Variants in SGCD observed in about 807,000 individuals in gnomAD.
The protein encoded by SGCD is delta-sarcoglycan.
In SGCD, 18 loss-of-function variants were observed where a neutral mutation model predicts 36.6. The observed-to-expected ratio is 0.49, with a 90% CI of 0.34 to 0.73. The LOEUF (loss-of-function observed/expected upper bound fraction) is 0.73, where lower values mean the gene tolerates loss of function less well. Among genes scored for constraint, SGCD ranks in the 30% least tolerant of loss-of-function variants. The pLI, the probability that SGCD is intolerant of heterozygous loss-of-function variation, is 0.01. For missense variants in SGCD, 387 were observed against 346.7 expected (o/e 1.12, Z -0.92); for synonymous variants, 133 against 130.6 (o/e 1.02, Z -0.12).
rs568756563 is a variant in SGCD at position 156,050,175 on chromosome 5, C to T, written c.-281-67703C>T. Among the ~76,000 whole-genome samples, 36 of 146,460 alleles carry T rather than the reference C, an allele frequency of 2.5e-4. 1 individual carries two copies. Among genetic ancestry groups the T allele is most frequent in the Admixed American group, 2.0e-3 (30 of 14,678 alleles). On this transcript the variant is annotated intron_variant, in intron 1 of 9. Transcript: ENST00000517913. ...TCGCATGCCATAGAGAAATCTTTCA[C>T]GAAAAGAAGAACCAACTGATGCTAC...
At chr5:156,531,586 T>C (rs1414584913) in intron 4 of SGCD, among the ~76,000 whole-genome samples, 1 of 152,162 alleles carries the variant, frequency 6.6e-6, no homozygotes, top group African/African-American at 2.4e-5. Flanking sequence ...TCGGTGGTCC[T>C]GTTCGATCCA....
chr5:156,606,968 A>G (rs544148083), intron 6 of SGCD, among the ~76,000 whole-genome samples: 8 of 152,294 alleles, frequency 5.3e-5, no homozygotes, highest in East Asian at 3.9e-4. Context: ...GGTTTTCTGG[A>G]TATACAATCA....
chr5:156,757,819 G>T, intron 8 of SGCD, 115 bp downstream of exon 8: 1 of 1,374,574 alleles, frequency 7.3e-7, no homozygotes, highest in African/African-American at 1.5e-5. Flanking sequence ...AAGGAGCCAA[G>T]CAGGTTTTAT....
intron 3 of SGCD, among the ~76,000 whole-genome samples, chr5:156,241,251 C>CGTGTGTGTGT (rs60843726): frequency 0.012 from 1,697 of 145,158 alleles, 22 homozygotes; most frequent in African/African-American, 0.028. Flanking sequence ...TAGACCAAAA[C>CGTGTGTGTGT]GTGTGTGTGT....
At chr5:156,025,880 G>A (rs1759217387) in intron 1 of SGCD, among the ~76,000 whole-genome samples, 1 of 152,216 alleles carries the variant, frequency 6.6e-6, no homozygotes, top group South Asian at 2.1e-4. Context: ...TTTTGTTCAT[G>A]CTGTTTAAAC....
At chr5:156,707,164 A>G (rs1754778255) in intron 7 of SGCD, among the ~76,000 whole-genome samples, 1 of 152,220 alleles carries the variant, frequency 6.6e-6, no homozygotes, top group African/African-American at 2.4e-5. Context: ...TGTTTTCATA[A>G]AAGGCCAGAC....
the SGCD span, among the ~76,000 whole-genome samples, chr5:155,749,040 C>A: frequency 1.3e-5 from 2 of 152,004 alleles, no homozygotes; most frequent in African/African-American, 4.8e-5. Context: ...GCAAACACTG[C>A]GATGGGATGT....
At chr5:155,897,414 C>T (rs1756289210) in intron 1 of SGCD, among the ~76,000 whole-genome samples, 1 of 152,200 alleles carries the variant, frequency 6.6e-6, no homozygotes. Flanking sequence ...TAAGACATTA[C>T]TGTACACTAC....
chr5:156,100,204 G>A (rs529929773), intron 1 of SGCD, among the ~76,000 whole-genome samples: 161 of 152,056 alleles, frequency 1.1e-3, no homozygotes, highest in Non-Finnish European at 1.5e-3. Context: ...GGTGGTATGT[G>A]TTAGCTCCAT....
chr5:156,291,787 A>C (rs1011773594), intron 3 of SGCD, among the ~76,000 whole-genome samples: 13 of 152,170 alleles, frequency 8.5e-5, no homozygotes, highest in Admixed American at 1.3e-4. Context: ...ATGGTAAACA[A>C]CATGATGCTT....
At chr5:156,533,221 C>T (rs181347771) in intron 4 of SGCD, among the ~76,000 whole-genome samples, 5 of 152,266 alleles carry the variant, frequency 3.3e-5, no homozygotes, top group African/African-American at 7.2e-5. Context: ...TTTCTCTTCA[C>T]GTAGTCACAG....
chr5:156,261,386 G>T (rs10038926), intron 3 of SGCD, among the ~76,000 whole-genome samples: 1 of 152,100 alleles, frequency 6.6e-6, no homozygotes, highest in Non-Finnish European at 1.5e-5. Context: ...GGATGTTGTA[G>T]TCAATGATAT....
intron 4 of SGCD, among the ~76,000 whole-genome samples, chr5:156,520,733 C>T (rs766105403): frequency 2.2e-4 from 33 of 151,972 alleles, no homozygotes; most frequent in Non-Finnish European, 3.7e-4. Flanking sequence ...AATAAGACCA[C>T]ACAGCCAGGC....
rs552310429 is a variant in SGCD, at chr5:156,488,303, T to A, written c.193-20298T>A. Among the ~76,000 whole-genome samples, 16 of 152,002 alleles carry A rather than the reference T, an allele frequency of 1.1e-4. No individual in the cohort carries two copies. In the South Asian group the frequency reaches 3.3e-3, roughly 32 times the overall value. On this transcript the variant is annotated intron_variant, in intron 3 of 8. Transcript: ENST00000337851. The stretch of plus-strand genomic sequence containing the variant: ...TCAATTTTTACAAAAGGTGTAAGCA[T>A]CAAATAGAAGCTCAAAACCCCCCAA...
At chr5:156,552,431 C>T (rs1217807986) in intron 4 of SGCD, among the ~76,000 whole-genome samples, 2 of 152,170 alleles carry the variant, frequency 1.3e-5, no homozygotes, top group Non-Finnish European at 2.9e-5. Flanking sequence ...TTCATGTTTG[C>T]CATCCCTTCC....
chr5:156,008,285 C>A (rs993354704), intron 1 of SGCD, among the ~76,000 whole-genome samples: 15 of 152,304 alleles, frequency 9.8e-5, no homozygotes, highest in African/African-American at 2.9e-4. Context: ...TGGCTTCCAG[C>A]AATCCTTGAA....
intron 1 of SGCD, among the ~76,000 whole-genome samples, chr5:155,945,641 A>G (rs1465566374): frequency 6.6e-6 from 1 of 152,130 alleles, no homozygotes; most frequent in Non-Finnish European, 1.5e-5. Context: ...GTCCAAGCAT[A>G]AGTGCAGATT....
intron 3 of SGCD, among the ~76,000 whole-genome samples, chr5:156,498,771 A>G (rs969008602): frequency 6.6e-6 from 1 of 152,222 alleles, no homozygotes; most frequent in African/African-American, 2.4e-5. Context: ...TTTTATTTAT[A>G]TTGGGCAGAG....
At chr5:156,525,727 C>G (rs546673836) in intron 4 of SGCD, among the ~76,000 whole-genome samples, 3 of 152,104 alleles carry the variant, frequency 2.0e-5, no homozygotes, top group East Asian at 3.9e-4. Context: ...TATGCTTAAG[C>G]CTTTAACCCA....
Sources: gnomAD v4.1 joint callset for allele counts (sites outside exome capture counted in the v4.1 genomes callset) on GRCh38, gnomAD v4.1.1 for gene constraint, MANE v1.5 for transcripts, NCBI Gene and HGNC (gene_info 2026-07-23, HGNC 2026-07-21) for gene names.